Variants in WDFY3 observed in about 807,000 individuals in gnomAD.
WDFY3 encodes WD repeat and FYVE domain-containing protein 3.
WDFY3 carries 66 observed loss-of-function variants against 409.6 expected under a neutral mutation model. That is an observed-to-expected ratio of 0.16 (90% CI 0.13 to 0.20). The LOEUF is 0.20. Among genes scored for constraint, WDFY3 ranks in the 10% least tolerant of loss-of-function variants. The pLI, the probability that WDFY3 is intolerant of heterozygous loss-of-function variation, is 1.00. For synonymous variants in WDFY3, 1,521 were observed against 1,537.1 expected, an observed-to-expected ratio of 0.99 and a Z score of 0.25; for missense variants, 3,031 against 4,298.1, an observed-to-expected ratio of 0.71 and a Z score of 8.24.
chr4:84,709,149 G>T, intron 52 of WDFY3, 121 bp from the exon 53 acceptor site: 2 of 1,445,586 alleles, frequency 1.4e-6, no homozygotes, highest in Non-Finnish European at 1.9e-6. Context: ...TCAGAACAAT[G>T]AAATACTTTT....
intron 2 of WDFY3, among the ~76,000 whole-genome samples, chr4:84,928,359 C>T (rs562899151): frequency 6.6e-5 from 10 of 152,274 alleles, no homozygotes; most frequent in Admixed American, 1.3e-4. Context: ...TACCAGCTTC[C>T]CTGGTTCTCC....
In WDFY3 at chr4:84,899,871, C is replaced by CA. The variant is rs529893695; in HGVS notation, c.-131-2862dup. Among the ~76,000 whole-genome samples, 227 of 150,526 alleles carry CA rather than the reference C, an allele frequency of 1.5e-3. 1 individual carries two copies. The highest frequency in any genetic ancestry group is 3.4e-3 in the Middle Eastern group (1 of 294). On this transcript the variant is annotated intron_variant, in intron 2 of 67. Coordinates refer to ENST00000295888, the MANE Select transcript of WDFY3 (RefSeq NM_014991.6). ...GCAACACAGTGAGATCCCATCTCCA[C>CA]AAAAAAAAATTAAAAATTAAAAACA...
intron 1 of WDFY3, among the ~76,000 whole-genome samples, chr4:84,954,668 A>T (rs537357533): frequency 6.6e-6 from 1 of 152,342 alleles, no homozygotes; most frequent in Admixed American, 6.5e-5. Context: ...GTCTATTTAC[A>T]TTTATTCACT....
chr4:84,806,067 C>T (rs375450744), intron 15 of WDFY3, among the ~76,000 whole-genome samples: 1 of 151,338 alleles, frequency 6.6e-6, no homozygotes, highest in Non-Finnish European at 1.5e-5. Flanking sequence ...GAGTGTTCCA[C>T]AAGCCATAAA....
Position 84,774,839 on chromosome 4 carries a change from T to C in WDFY3, c.4735A>G (p.Ser1579Gly). ...TCCTACCTGAGCAGATCATTGCTGCTAGGAAAACCTTGCAGTAAGAAGCTC... is the reference window on the plus strand; with the variant it reads ...TCCTACCTGAGCAGATCATTGCTGCCAGGAAAACCTTGCAGTAAGAAGCTC... ...VLSFLLQGFP[S>G]SNDLLRFGQF... The change falls in exon 29 of 68, where the codon AGC becomes GGC. Residue 1579 changes from serine (S) to glycine (G), a missense_variant. Around this residue, in one of 16 missense-constraint regions of WDFY3, gnomAD observed 342 missense variants for 463.7 expected, o/e 0.74. Coordinates refer to ENST00000295888, the MANE Select transcript of WDFY3 (RefSeq NM_014991.6). The C allele has an allele frequency of 6.2e-7, 1 of 1,611,282 alleles. No homozygotes were observed. Among genetic ancestry groups the C allele is most frequent in the South Asian group, 1.1e-5 (1 of 90,378 alleles).
intron 3 of WDFY3, among the ~76,000 whole-genome samples, chr4:84,875,261 CAA>C (rs1355808131): frequency 8.5e-6 from 1 of 118,260 alleles, no homozygotes; most frequent in East Asian, 2.6e-4. Flanking sequence ...GAGCAAGACT[CAA>C]ACACACACAC....
At chr4:84,855,685 A>G (rs1022310170) in intron 4 of WDFY3, among the ~76,000 whole-genome samples, 3 of 152,198 alleles carry the variant, frequency 2.0e-5, no homozygotes, top group East Asian at 1.9e-4. Flanking sequence ...ATGGACCATC[A>G]TTAGTCCTAA....
chr4:84,734,028 C>CA (rs1737034208), intron 43 of WDFY3, among the ~76,000 whole-genome samples: 1 of 152,096 alleles, frequency 6.6e-6, no homozygotes, highest in Non-Finnish European at 1.5e-5. Context: ...TCTAGGAAGT[C>CA]AGATGAAGAA....
At chr4:84,817,614 T>C (rs966741246) in intron 12 of WDFY3, 29 bp from the exon 13 acceptor site, 2 of 1,564,828 alleles carry the variant, frequency 1.3e-6, no homozygotes, top group Non-Finnish European at 1.7e-6. Flanking sequence ...AGTCCAACAA[T>C]GGCTACTTTA....
chr4:84,749,313 A>C (rs1266200715), intron 36 of WDFY3, among the ~76,000 whole-genome samples: 1 of 152,178 alleles, frequency 6.6e-6, no homozygotes, highest in East Asian at 1.9e-4. Context: ...TCATTAATAT[A>C]ATTTTTTTTG....
intron 2 of WDFY3, among the ~76,000 whole-genome samples, chr4:84,906,159 G>T (rs1767012289): frequency 6.6e-6 from 1 of 152,082 alleles, no homozygotes; most frequent in Admixed American, 6.6e-5. Flanking sequence ...GAGCAAGTTA[G>T]GAATATTAGA....
intron 44 of WDFY3, among the ~76,000 whole-genome samples, chr4:84,730,111 C>T (rs993512136): frequency 6.6e-6 from 1 of 152,142 alleles, no homozygotes; most frequent in Non-Finnish European, 1.5e-5. Flanking sequence ...GTGGCCTTCA[C>T]TTCCATTGAG....
chr4:84,755,390 T>C lies in WDFY3; in HGVS notation c.5435A>G (p.Asp1812Gly). 1 of 1,607,504 alleles carries C rather than the reference T, an allele frequency of 6.2e-7. No individual in the cohort carries two copies. The highest frequency in any genetic ancestry group is 8.5e-7 in the Non-Finnish European group (1 of 1,178,600). The change falls in exon 34 of 68, where the codon GAT (aspartate) becomes GGT (glycine). Residue 1812 changes from aspartate to glycine, a missense_variant. Around this residue, in one of 16 missense-constraint regions of WDFY3, gnomAD observed 342 missense variants for 463.7 expected, o/e 0.74. Coordinates refer to ENST00000295888, the MANE Select transcript of WDFY3 (RefSeq NM_014991.6). ...RSKQGCQFDL[D>G]SIWTFIFGVP... ...TCCAAAGATGAATGTCCAAATGGAATCCAAATCAAACTGCAGAGGTGAAAG... is the reference window on the plus strand; with the variant it reads ...TCCAAAGATGAATGTCCAAATGGAACCCAAATCAAACTGCAGAGGTGAAAG...
At chr4:84,849,739 G>T (rs1758621916) in intron 5 of WDFY3, 163 bp downstream of exon 5, 3 of 987,862 alleles carry the variant, frequency 3.0e-6, no homozygotes, top group African/African-American at 1.7e-5. Flanking sequence ...TGAAGATGCT[G>T]AAACCAGGAA....
chr4:84,790,602 A>G (rs1413556751), intron 21 of WDFY3, among the ~76,000 whole-genome samples: 1 of 152,186 alleles, frequency 6.6e-6, no homozygotes, highest in Non-Finnish European at 1.5e-5. Flanking sequence ...AAACAAAAAT[A>G]AACAAGTGGG....
intron 3 of WDFY3, among the ~76,000 whole-genome samples, chr4:84,861,454 G>A (rs1246467627): frequency 5.9e-5 from 9 of 151,968 alleles, no homozygotes. Flanking sequence ...GTATCTTATA[G>A]ATTAAAATAT....
intron 1 of WDFY3, among the ~76,000 whole-genome samples, chr4:84,933,053 G>A (rs1308048773): frequency 2.6e-5 from 4 of 152,094 alleles, no homozygotes; most frequent in African/African-American, 7.2e-5. Context: ...TGGTCCTAAA[G>A]TTCTTTAATT....
chr4:84,699,129 A>G (rs1367409697), intron 56 of WDFY3, among the ~76,000 whole-genome samples: 3 of 152,062 alleles, frequency 2.0e-5, no homozygotes, highest in East Asian at 3.9e-4. Context: ...TTCAGACACA[A>G]TGTTACGCAA....
intron 16 of WDFY3, among the ~76,000 whole-genome samples, 166 bp from the exon 17 acceptor site, chr4:84,802,030 C>T (rs1750670401): frequency 6.6e-6 from 1 of 151,886 alleles, no homozygotes; most frequent in East Asian, 1.9e-4. Context: ...TCATTGCAAC[C>T]TCTGCCTTGC....
Sources: allele counts gnomAD v4.1 joint callset (sites outside exome capture counted in the v4.1 genomes callset), GRCh38; gene constraint gnomAD v4.1.1; regional missense constraint gnomAD v4.1.1; transcripts MANE v1.5; gene names NCBI Gene and HGNC (gene_info 2026-07-23, HGNC 2026-07-21).